YME1L1: variants seen among roughly 807,000 people sequenced by gnomAD.
YME1L1 encodes the protein ATP-dependent zinc metalloprotease YME1L1.
Under a neutral mutation model 90.4 loss-of-function variants are expected in YME1L1, and 39 were observed. That is an observed-to-expected ratio of 0.43 (90% CI 0.33 to 0.56). The LOEUF is 0.56. Ranked by LOEUF, YME1L1 falls within the 20% of genes least tolerant of loss-of-function variation. The probability of loss-of-function intolerance (pLI) is 0.03; values close to 1 mark genes in which losing one functional copy is unlikely to be tolerated. For synonymous variants in YME1L1, 284 were observed against 287.3 expected (o/e 0.99, Z 0.12); for missense variants, 617 against 868.4 (o/e 0.71, Z 3.64).
At chr10:27,118,547 C>T (rs550504754) in intron 14 of YME1L1, among the ~76,000 whole-genome samples, 15 of 152,344 alleles carry the variant, frequency 9.8e-5, no homozygotes, top group Admixed American at 2.0e-4. Flanking sequence ...GCCTTGGCCT[C>T]CCAAAGTGCT....
intron 1 of YME1L1, among the ~76,000 whole-genome samples, 194 bp downstream of exon 1, chr10:27,153,984 C>A (rs1018000086): frequency 6.6e-6 from 1 of 152,208 alleles, no homozygotes; most frequent in Admixed American, 6.5e-5. Flanking sequence ...CCCTCAACAG[C>A]TTCATCGTCA....
chr10:27,153,827 C>T (rs1248850318), intron 1 of YME1L1, among the ~76,000 whole-genome samples: 1 of 152,186 alleles, frequency 6.6e-6, no homozygotes, highest in East Asian at 1.9e-4. Context: ...ACATTACCTG[C>T]TCCCTTTAAT....
At chr10:27,138,508 T>A (rs1327151323) in intron 4 of YME1L1, among the ~76,000 whole-genome samples, 2 of 152,120 alleles carry the variant, frequency 1.3e-5, no homozygotes, top group Admixed American at 1.3e-4. Context: ...TAAAGCTTCA[T>A]ACACACACGT....
In YME1L1 at chr10:27,121,503, T is replaced by C. The variant is rs1021529646; in HGVS notation, c.1236-55A>G. Reference sequence around the variant, plus strand: ...CTAACACTGAAGCACAGCACACATGTAGAAATGCTCTACACAAAACTGGTT... The same window carrying C: ...CTAACACTGAAGCACAGCACACATGCAGAAATGCTCTACACAAAACTGGTT... On this transcript the variant is annotated intron_variant, in intron 11 of 18. Coordinates refer to ENST00000376016, the MANE Select transcript of YME1L1 (RefSeq NM_014263.4). 1.0e-5 allele frequency: 13 copies of C among 1,254,782 alleles called. No individual in the cohort carries two copies. In the African/African-American group the frequency reaches 1.6e-4, roughly 16 times the overall value. 77.7% of individuals were successfully genotyped at this position (1,254,782 alleles called of 1,614,324 possible). A position where few individuals can be genotyped will look rare whatever the true frequency, so the allele number is the denominator to read the frequency against.
intron 1 of YME1L1, among the ~76,000 whole-genome samples, chr10:27,151,933 A>G (rs921880723): frequency 6.6e-6 from 1 of 152,100 alleles, no homozygotes; most frequent in Non-Finnish European, 1.5e-5. Context: ...GTGTTTGTTT[A>G]TAGAAAAAAA....
At chr10:27,134,008 A>T (rs754815060) in intron 7 of YME1L1, 31 bp downstream of exon 7, 1 of 1,453,838 alleles carries the variant, frequency 6.9e-7, no homozygotes, top group South Asian at 1.2e-5. Context: ...AGGAATAAGA[A>T]ATAAGTTAGA....
chr10:27,153,092 ACCCTT>A, intron 1 of YME1L1: 1 of 445,988 alleles, frequency 2.2e-6, no homozygotes, highest in Non-Finnish European at 4.6e-6. Flanking sequence ...AACCTGCTAA[ACCCTT>A]TCCTAACTCA....
At chr10:27,138,967 C>T (rs1032953856) in intron 4 of YME1L1, among the ~76,000 whole-genome samples, 4 of 152,040 alleles carry the variant, frequency 2.6e-5, no homozygotes, top group African/African-American at 9.7e-5. Context: ...GTCTTTTTAT[C>T]ATACATTGAA....
At chr10:27,139,984 T>C (rs1405452104) in intron 4 of YME1L1, among the ~76,000 whole-genome samples, 2 of 152,200 alleles carry the variant, frequency 1.3e-5, no homozygotes, top group East Asian at 1.9e-4. Flanking sequence ...AGAAATTCAA[T>C]TTATTTTCTA....
At chr10:27,132,346 G>A (rs1301925661) in intron 7 of YME1L1, among the ~76,000 whole-genome samples, 5 of 151,794 alleles carry the variant, frequency 3.3e-5, no homozygotes, top group East Asian at 2.0e-4. Flanking sequence ...TGATCCACCC[G>A]CCTCAGCCTC....
intron 1 of YME1L1, 85 bp downstream of exon 1, chr10:27,154,092 TC>T: frequency 6.7e-7 from 1 of 1,502,716 alleles, no homozygotes; most frequent in Non-Finnish European, 9.1e-7. Context: ...TAGAGTCCCT[TC>T]TGAGAAATCG....
Position 27,112,052 on chromosome 10 carries a change from A to G in YME1L1, c.2076T>C (p.Ala692=), listed in dbSNP as rs1351857850. ...HAKEHKNLAE[A]LLTYETLDAK... ...CATCCAAAGTCTCATAGGTCAATAA[A>G]GCTTCTGCGAGATTCTTATGCTCCT... The change falls in exon 19 of 19, where the codon GCT becomes GCC. Residue 692 remains alanine (A), a synonymous_variant. Coordinates refer to ENST00000376016, the MANE Select transcript of YME1L1 (RefSeq NM_014263.4). 4 of 1,614,012 alleles carry G rather than the reference A, an allele frequency of 2.5e-6. No homozygotes were observed. In the East Asian group the frequency reaches 6.7e-5, roughly 27 times the overall value.
At chr10:27,116,876 A>C (rs2056818501) in intron 15 of YME1L1, among the ~76,000 whole-genome samples, 1 of 152,020 alleles carries the variant, frequency 6.6e-6, no homozygotes, top group Admixed American at 6.6e-5. Flanking sequence ...AAATAAAATA[A>C]AAATTTAAAA....
At chr10:27,153,487 A>T (rs2057258277) in intron 1 of YME1L1, among the ~76,000 whole-genome samples, 1 of 152,230 alleles carries the variant, frequency 6.6e-6, no homozygotes, top group Non-Finnish European at 1.5e-5. Context: ...TCAAAAAAAG[A>T]GACTGGAATG....
chr10:27,129,346 T>C (rs1411304571), intron 8 of YME1L1: 1 of 152,192 alleles, frequency 6.6e-6, no homozygotes, highest in African/African-American at 2.4e-5. Flanking sequence ...ACAGGGTTCA[T>C]AGCCATTTAA....
chr10:27,116,416 C>T (rs766436640), intron 15 of YME1L1, 71 bp from the exon 16 acceptor site: 171 of 1,553,780 alleles, frequency 1.1e-4, no homozygotes, highest in Non-Finnish European at 1.4e-4. Context: ...CGCCTGAATC[C>T]CAGCACTTTG....
rs893959936 is a variant in YME1L1, at chr10:27,134,739, G to A, written c.691+92C>T. 8.7e-6 allele frequency: 11 copies of A among 1,267,066 alleles called. No homozygotes were observed. The African/African-American group carries it at 1.2e-4, about 14-fold the overall frequency. 78.5% of individuals were successfully genotyped at this position (1,267,066 alleles called of 1,614,324 possible). Reference sequence around the variant, plus strand: ...ATATAGTGGAATTTAATCAATAGATGGTCTTAGAAAAGTTACTTAAAACTT... The same window carrying A: ...ATATAGTGGAATTTAATCAATAGATAGTCTTAGAAAAGTTACTTAAAACTT... On this transcript the variant is annotated intron_variant, in intron 6 of 18. Transcript: ENST00000376016.
chr10:27,149,448 G>A (rs1238143447), intron 1 of YME1L1, among the ~76,000 whole-genome samples: 1 of 152,046 alleles, frequency 6.6e-6, no homozygotes, highest in African/African-American at 2.4e-5. Context: ...AGTGGCTCAC[G>A]CCTGTAACCC....
intron 9 of YME1L1, among the ~76,000 whole-genome samples, chr10:27,124,296 A>G (rs1232421376): frequency 6.6e-6 from 1 of 152,202 alleles, no homozygotes; most frequent in Non-Finnish European, 1.5e-5. Flanking sequence ...CACATAACAC[A>G]GAAAGCAAAT....
Sources: allele counts gnomAD v4.1 joint callset (sites outside exome capture counted in the v4.1 genomes callset), GRCh38; gene constraint gnomAD v4.1.1; transcripts MANE v1.5; gene names NCBI Gene and HGNC (gene_info 2026-07-23, HGNC 2026-07-21).